The following ACTR3C variants were observed in gnomAD, a reference collection of about 807,000 sequenced individuals.
The protein encoded by ACTR3C is actin related protein 3C.
ACTR3C carries 18 observed loss-of-function variants against 26.3 expected under a neutral mutation model. The ratio of observed to expected loss-of-function variants is 0.68; its 90% CI spans 0.47 to 1.01. The LOEUF is 1.01. ACTR3C is among the 50% of genes least tolerant of loss of function. The probability of loss-of-function intolerance (pLI) is 0.00; values close to 1 mark genes in which losing one functional copy is unlikely to be tolerated. For synonymous variants in ACTR3C, 55 were observed against 94.5 expected (o/e 0.58, Z 2.42); for missense variants, 184 against 250.7 (o/e 0.73, Z 1.80).
At chr7:149,927,677 A>T in the ACTR3C span, among the ~76,000 whole-genome samples, 1 of 151,582 alleles carries the variant, frequency 6.6e-6, no homozygotes, top group African/African-American at 2.4e-5. Context: ...GTGGTGAGCC[A>T]AGATCACGCC....
intron 1 of ACTR3C, among the ~76,000 whole-genome samples, chr7:150,307,867 C>T (rs1795929670): frequency 6.6e-6 from 1 of 152,212 alleles, no homozygotes; most frequent in Non-Finnish European, 1.5e-5. Context: ...TCTTTTTATT[C>T]TCTTCTCTAA....
chr7:150,041,637 T>TC, the ACTR3C span, among the ~76,000 whole-genome samples: 108 of 65,776 alleles, frequency 1.6e-3, 3 homozygotes, highest in South Asian at 0.013. Context: ...GGGGGGTGCC[T>TC]CCCCCCCCCT....
the ACTR3C span, among the ~76,000 whole-genome samples, chr7:150,111,157 G>A: frequency 7.2e-6 from 1 of 139,110 alleles, no homozygotes; most frequent in Non-Finnish European, 1.6e-5. Flanking sequence ...AGCTCATTCT[G>A]GGGCAAGTCA....
the ACTR3C span, among the ~76,000 whole-genome samples, chr7:150,067,597 G>A: frequency 6.6e-6 from 1 of 151,916 alleles, no homozygotes; most frequent in Admixed American, 6.6e-5. Context: ...AATAATACAG[G>A]GAAATCACTT....
At chr7:150,321,242 G>A (rs1361317185) in intron 1 of ACTR3C, among the ~76,000 whole-genome samples, 2 of 152,168 alleles carry the variant, frequency 1.3e-5, no homozygotes, top group Admixed American at 6.5e-5. Flanking sequence ...TTGATGTTAA[G>A]CCTGATTTTT....
the ACTR3C span, among the ~76,000 whole-genome samples, chr7:149,956,106 T>C: frequency 2.0e-5 from 3 of 152,338 alleles, no homozygotes; most frequent in Non-Finnish European, 2.9e-5. Context: ...TCGCCAAGCA[T>C]TGTGGTTAAT....
At chr7:150,037,054 CCCA>C in the ACTR3C span, among the ~76,000 whole-genome samples, 5 of 111,580 alleles carry the variant, frequency 4.5e-5, no homozygotes, top group African/African-American at 9.5e-5. Flanking sequence ...GCTCTCAGTC[CCCA>C]CCCTCGCGGG....
At chr7:150,196,483 C>T in the ACTR3C span, among the ~76,000 whole-genome samples, 29,002 of 152,066 alleles carry the variant, frequency 0.19, 4,758 homozygotes, top group African/African-American at 0.44. Context: ...CCATTTGATC[C>T]TACATGCTGT....
At chr7:150,049,986 G>C in the ACTR3C span, among the ~76,000 whole-genome samples, 1 of 152,152 alleles carries the variant, frequency 6.6e-6, no homozygotes, top group Non-Finnish European at 1.5e-5. Flanking sequence ...TGCTCCATTT[G>C]ACTTTGAAGA....
the ACTR3C span, among the ~76,000 whole-genome samples, chr7:149,968,425 C>T: frequency 1.3e-5 from 2 of 151,920 alleles, no homozygotes; most frequent in South Asian, 2.1e-4. Context: ...CCCAGCTACT[C>T]GGGAGGCTGA....
chr7:150,018,485 G>A, the ACTR3C span, among the ~76,000 whole-genome samples: 2 of 148,976 alleles, frequency 1.3e-5, 1 homozygote, highest in African/African-American at 5.1e-5. Context: ...CATTTTGGAT[G>A]AATTTGTTTC....
intron 1 of ACTR3C, among the ~76,000 whole-genome samples, chr7:150,297,319 G>A (rs1209919580): frequency 6.7e-6 from 1 of 150,312 alleles, no homozygotes; most frequent in Middle Eastern, 3.4e-3. Context: ...ACTTCACTCT[G>A]TACCCCATAA....
the ACTR3C span, among the ~76,000 whole-genome samples, chr7:150,227,688 G>GTGTTTTGTTTTTTTTTTTTTTTT: frequency 9.0e-6 from 1 of 111,388 alleles, no homozygotes; most frequent in Non-Finnish European, 1.8e-5. Context: ...TTGTGTCTGG[G>GTGTTTTGTTTTTTTTTTTTTTTT]TTTTTTTTTT....
At chr7:149,924,648 C>T in the ACTR3C span, among the ~76,000 whole-genome samples, 1 of 151,840 alleles carries the variant, frequency 6.6e-6, no homozygotes, top group Admixed American at 6.6e-5. Flanking sequence ...ATTTTTGAGA[C>T]AGCGTCTGGC....
chr7:149,991,179 A>G, the ACTR3C span, among the ~76,000 whole-genome samples: 2 of 152,196 alleles, frequency 1.3e-5, no homozygotes, highest in African/African-American at 2.4e-5. Flanking sequence ...TTTATAAACC[A>G]TCAGCTCTTG....
At chr7:150,198,350 G>T in the ACTR3C span, among the ~76,000 whole-genome samples, 1 of 148,590 alleles carries the variant, frequency 6.7e-6, no homozygotes, top group African/African-American at 2.6e-5. Context: ...GCCCAGTCTG[G>T]AAAGTGAGGA....
At chr7:150,315,696 C>A (rs1215928287) in intron 1 of ACTR3C, among the ~76,000 whole-genome samples, 1 of 152,182 alleles carries the variant, frequency 6.6e-6, no homozygotes, top group Admixed American at 6.5e-5. Context: ...GTCATTGTTA[C>A]AAGTTCTTGT....
the ACTR3C span, among the ~76,000 whole-genome samples, chr7:150,235,786 G>A: frequency 1.3e-5 from 2 of 151,868 alleles, no homozygotes. Context: ...ATAGCATTTG[G>A]GTTTCTACTA....
At chr7:149,955,542 G>A in the ACTR3C span, among the ~76,000 whole-genome samples, 1 of 152,086 alleles carries the variant, frequency 6.6e-6, no homozygotes, top group African/African-American at 2.4e-5. Context: ...GAGTCGCAGT[G>A]AGGAAGGGCG....
Sources: allele counts gnomAD v4.1 joint callset (sites outside exome capture counted in the v4.1 genomes callset), GRCh38; gene constraint gnomAD v4.1.1; transcripts MANE v1.5; gene names NCBI Gene and HGNC (gene_info 2026-07-23, HGNC 2026-07-21).